Variants in NRXN1 observed in about 807,000 individuals in gnomAD.
The protein encoded by NRXN1 is neurexin 1.
NRXN1 carries 39 observed loss-of-function variants against 150.9 expected under a neutral mutation model. That is an observed-to-expected ratio of 0.26 (90% CI 0.20 to 0.34). The LOEUF (loss-of-function observed/expected upper bound fraction) is 0.34, where lower values mean the gene tolerates loss of function less well. Among genes scored for constraint, NRXN1 ranks in the 10% least tolerant of loss-of-function variants. NRXN1 has a pLI of 1.00. For synonymous variants in NRXN1, 924 were observed against 757.0 expected (o/e 1.22, Z -3.62); for missense variants, 1,815 against 1,949.9 (o/e 0.93, Z 1.30).
intron 8 of NRXN1, among the ~76,000 whole-genome samples, chr2:50,597,404 G>A (rs1170194311): frequency 6.6e-6 from 1 of 152,126 alleles, no homozygotes; most frequent in African/African-American, 2.4e-5. Context: ...CTCTCAAGCT[G>A]TTTCCTCTTG....
chr2:50,182,664 T>A (rs1277753185), intron 18 of NRXN1, among the ~76,000 whole-genome samples: 1 of 152,064 alleles, frequency 6.6e-6, no homozygotes, highest in East Asian at 1.9e-4. Context: ...CTTCGAGCTG[T>A]CGCCATCCTC....
At chr2:50,963,998 T>C (rs370276987) in intron 2 of NRXN1, 2 of 439,720 alleles carry the variant, frequency 4.5e-6, no homozygotes, top group East Asian at 1.4e-4. Context: ...TTATGAAAAA[T>C]AGAGCAACAT....
chr2:50,448,693 A>G (rs2086689420), intron 17 of NRXN1, among the ~76,000 whole-genome samples: 1 of 152,176 alleles, frequency 6.6e-6, no homozygotes, highest in Non-Finnish European at 1.5e-5. Context: ...GTGATACACT[A>G]AAAAGCATAT....
intron 18 of NRXN1, among the ~76,000 whole-genome samples, chr2:50,105,530 A>G (rs1333985313): frequency 6.6e-6 from 1 of 151,988 alleles, no homozygotes; most frequent in Non-Finnish European, 1.5e-5. Context: ...AGATTTATTT[A>G]AATCATATTT....
At chr2:50,626,167 G>A (rs1036437621) in intron 5 of NRXN1, among the ~76,000 whole-genome samples, 3 of 151,840 alleles carry the variant, frequency 2.0e-5, no homozygotes, top group Non-Finnish European at 2.9e-5. Flanking sequence ...AGAGACTTTG[G>A]AAAGAATTTA....
intron 2 of NRXN1, among the ~76,000 whole-genome samples, chr2:51,013,295 C>A (rs1668175090): frequency 6.6e-6 from 1 of 151,968 alleles, no homozygotes; most frequent in Admixed American, 6.6e-5. Flanking sequence ...GGGTGGAGAG[C>A]CTGCCCAGAG....
At chr2:50,631,813 T>A (rs1428112560) in intron 5 of NRXN1, among the ~76,000 whole-genome samples, 1 of 151,886 alleles carries the variant, frequency 6.6e-6, no homozygotes, top group Non-Finnish European at 1.5e-5. Flanking sequence ...GATCCTGGAA[T>A]TCATTAGGTG....
intron 15 of NRXN1, among the ~76,000 whole-genome samples, chr2:50,493,634 G>C (rs2104884196): frequency 6.6e-6 from 1 of 152,294 alleles, no homozygotes; most frequent in African/African-American, 2.4e-5. Flanking sequence ...ACAGCAGGCT[G>C]TTCTCAAACT....
intron 18 of NRXN1, among the ~76,000 whole-genome samples, chr2:50,120,937 T>C (rs530316219): frequency 1.3e-5 from 2 of 152,358 alleles, no homozygotes; most frequent in African/African-American, 4.8e-5. Flanking sequence ...ATACTTGAAC[T>C]TAGAGTGCGA....
chr2:50,889,331 A>C (rs918580189), intron 5 of NRXN1, among the ~76,000 whole-genome samples: 6 of 151,662 alleles, frequency 4.0e-5, no homozygotes, highest in African/African-American at 1.4e-4. Flanking sequence ...CTTGCATATT[A>C]ATATGTTGAG....
intron 17 of NRXN1, among the ~76,000 whole-genome samples, chr2:50,307,824 G>A (rs1435624204): frequency 6.6e-6 from 1 of 152,136 alleles, no homozygotes; most frequent in African/African-American, 2.4e-5. Flanking sequence ...CTCTGGAATA[G>A]TTGTATGAAC....
chr2:51,020,800 C>T (rs375521884), intron 2 of NRXN1, among the ~76,000 whole-genome samples: 10 of 151,996 alleles, frequency 6.6e-5, no homozygotes, highest in African/African-American at 2.2e-4. Flanking sequence ...GATTCCAAAC[C>T]ATGTTCTGTT....
intron 5 of NRXN1, among the ~76,000 whole-genome samples, chr2:50,870,896 G>T (rs1181662509): frequency 4.6e-5 from 7 of 151,804 alleles, no homozygotes. Context: ...AACATCCTCA[G>T]AAGTTACTAC....
intron 2 of NRXN1, among the ~76,000 whole-genome samples, chr2:51,015,058 A>G (rs977962318): frequency 6.6e-6 from 1 of 152,046 alleles, no homozygotes; most frequent in Non-Finnish European, 1.5e-5. Context: ...CCAGAAGTCA[A>G]GCAATGTATG....
At chr2:50,589,931 G>C (rs370935244) in intron 8 of NRXN1, among the ~76,000 whole-genome samples, 2 of 152,082 alleles carry the variant, frequency 1.3e-5, no homozygotes, top group Non-Finnish European at 2.9e-5. Flanking sequence ...AAACCATTAG[G>C]TTTTATTCAC....
At chr2:49,960,641 A>G (rs943999275) in intron 21 of NRXN1, among the ~76,000 whole-genome samples, 6 of 152,186 alleles carry the variant, frequency 3.9e-5, no homozygotes, top group African/African-American at 1.2e-4. Flanking sequence ...GTCTCATCCT[A>G]TAGTGGAAGA....
At chr2:50,447,740 T>C (rs1456027415) in intron 17 of NRXN1, among the ~76,000 whole-genome samples, 1 of 81,134 alleles carries the variant, frequency 1.2e-5, no homozygotes, top group African/African-American at 5.9e-5. Flanking sequence ...GGGAACGTTA[T>C]ATATATATAT....
At chr2:50,308,643 T>A (rs1173791660) in intron 17 of NRXN1, among the ~76,000 whole-genome samples, 1 of 152,172 alleles carries the variant, frequency 6.6e-6, no homozygotes, top group African/African-American at 2.4e-5. Context: ...CTTGAGCTAC[T>A]ACTACAATCA....
intron 5 of NRXN1, among the ~76,000 whole-genome samples, chr2:50,664,920 T>A (rs544205429): frequency 7.9e-5 from 12 of 152,020 alleles, no homozygotes; most frequent in Non-Finnish European, 1.5e-4. Context: ...TCCTTCAAAT[T>A]AAAAAAAATC....
Sources: gnomAD v4.1 joint callset for allele counts (sites outside exome capture counted in the v4.1 genomes callset) on GRCh38, gnomAD v4.1.1 for gene constraint, MANE v1.5 for transcripts, NCBI Gene and HGNC (gene_info 2026-07-23, HGNC 2026-07-21) for gene names.